SLC38A5: variants seen among roughly 807,000 people sequenced by gnomAD.
SLC38A5 encodes the protein sodium-coupled neutral amino acid transporter 5.
SLC38A5 carries 9 observed loss-of-function variants against 34.6 expected under a neutral mutation model. The ratio of observed to expected loss-of-function variants is 0.26; its 90% CI spans 0.16 to 0.45. SLC38A5 has a LOEUF of 0.45. SLC38A5 is among the 20% of genes least tolerant of loss of function. SLC38A5 has a pLI of 1.00. For synonymous variants in SLC38A5, 157 were observed against 155.6 expected (o/e 1.01, Z -0.07); for missense variants, 253 against 394.7 (o/e 0.64, Z 3.04).
At chrX:48,460,567 G>A (rs782339213) in intron 14 of SLC38A5, 82 bp downstream of exon 14, 120 of 976,291 alleles carry the variant, frequency 1.2e-4, no homozygotes, top group Non-Finnish European at 1.6e-4. Context: ...ATCCACTCCT[G>A]TTTCCAGCCT....
At position 48,467,804 on chromosome X, in the gene SLC38A5, T is replaced by C; in HGVS notation, c.54-19A>G. On this transcript the variant is annotated intron_variant, in intron 3 of 16. Coordinates refer to ENST00000620913, the MANE Select transcript of SLC38A5 (RefSeq NM_033518.4). ...CCTGTAGCTGGATAGGGCAGGGAAA[T>C]AGGGGCCGATAAGAGGGAAATCCTG... 1 of 1,203,367 alleles carries C rather than the reference T, an allele frequency of 8.3e-7. No individual in the cohort carries two copies. Among genetic ancestry groups the C allele is most frequent in the South Asian group, 1.8e-5 (1 of 55,656 alleles).
intron 16 of SLC38A5, 103 bp from the exon 17 acceptor site, chrX:48,459,137 C>T (rs1556961323): frequency 1.2e-6 from 1 of 840,486 alleles, no homozygotes; most frequent in East Asian, 3.5e-5. Context: ...AGTGCTCCAT[C>T]CATTCCTGAC....
Position 48,458,989 on chromosome X carries a change from G to A in SLC38A5, c.1363C>T (p.Leu455=). 1 of 1,196,132 alleles carries A rather than the reference G, an allele frequency of 8.4e-7. No homozygotes were observed. ...VLGVLFMAVS[L]GFMFANWATG... ...GCCCAGTTGGCAAACATAAAGCCTA[G>A]ACTGACGGCCATGAAGAGGACTCCC... The change falls in exon 17 of 17, where the codon CTA becomes TTA. Residue 455 remains leucine (L), a synonymous_variant. Coordinates refer to ENST00000620913, the MANE Select transcript of SLC38A5 (RefSeq NM_033518.4).
rs1421737714 is a variant in SLC38A5 at position 48,458,611 on chromosome X, G to C, written c.*322C>G. ...AATCCTGACAAACAGCTTCAGCCAG[G>C]AGGAGGCAGAGAGGACTGGGCTGGG... On this transcript the variant is annotated 3_prime_UTR_variant, in exon 17 of 17. Transcript: ENST00000620913. The C allele has an allele frequency of 3.4e-6, 3 of 886,597 alleles. No individual in the cohort carries two copies. The highest frequency in any genetic ancestry group is 2.1e-5 in the African/African-American group (1 of 48,270). The allele number at this position is 886,597 out of a possible 1,213,427, so 73.1% of individuals were successfully genotyped here. A position where few individuals can be genotyped will look rare whatever the true frequency, so the allele number is the denominator to read the frequency against.
At chrX:48,465,463 G>A (rs1207381243) in intron 8 of SLC38A5, among the ~76,000 whole-genome samples, 1 of 111,792 alleles carries the variant, frequency 8.9e-6, no homozygotes, top group African/African-American at 3.3e-5. Flanking sequence ...CACACTGCTG[G>A]AGTCAGCGAT....
chrX:48,463,384 C>A (rs1222173344), intron 8 of SLC38A5, among the ~76,000 whole-genome samples: 2 of 111,244 alleles, frequency 1.8e-5, no homozygotes, highest in African/African-American at 6.5e-5. Context: ...GGGTGGATCA[C>A]CTAAGGTCAG....
intron 8 of SLC38A5, among the ~76,000 whole-genome samples, chrX:48,464,911 G>C (rs1298524674): frequency 2.8e-5 from 3 of 107,802 alleles, no homozygotes; most frequent in Non-Finnish European, 3.8e-5. Context: ...TCCAGCCTGG[G>C]CGACAGAATG....
In SLC38A5 at chrX:48,460,776, G is replaced by A. The variant is rs782122120; in HGVS notation, c.953-12C>T. The A allele has an allele frequency of 2.5e-6, 3 of 1,202,992 alleles. No homozygotes were observed. The highest frequency in any genetic ancestry group is 2.2e-5 in the Admixed American group (1 of 45,831). ...CGCCTTCACACTGCCTGGGCCATGAGACAGAGGGTACGGGATGCAGGATGT... is the reference window on the plus strand; with the variant it reads ...CGCCTTCACACTGCCTGGGCCATGAAACAGAGGGTACGGGATGCAGGATGT... On this transcript the variant is annotated splice_polypyrimidine_tract_variant and intron_variant, in intron 13 of 16. Transcript: ENST00000620913.
rs1556963244 is a variant in SLC38A5, at chrX:48,466,269, C to A, written c.373G>T (p.Val125Leu). Residue 125 changes from valine to leucine, a missense_variant, in exon 7 of 17, where the codon GTA becomes TTA. By Grantham distance (32) the Val-to-Leu change is conservative. Transcript: ENST00000620913. The part of the protein sequence containing the change: ...GQRAFGPAGK[V>L]VVATVICLHN... ...AGACAGATGACTGTGGCCACCACTA[C>A]CTTCCCCGCAGGCCCGAATGCCCTC... 1 of 1,205,116 alleles carries A rather than the reference C, an allele frequency of 8.3e-7. No homozygotes were observed. Among genetic ancestry groups the A allele is most frequent in the Non-Finnish European group, 1.1e-6 (1 of 893,187 alleles).
At chrX:48,467,202 A>C (rs1350250303) in intron 4 of SLC38A5, 125 bp from the exon 5 acceptor site, 2 of 536,669 alleles carry the variant, frequency 3.7e-6, no homozygotes, top group African/African-American at 2.3e-5. Context: ...AGGAGAGACC[A>C]TCGGAGGAGG....
At chrX:48,467,152 G>A in intron 4 of SLC38A5, 75 bp from the exon 5 acceptor site, 1 of 898,661 alleles carries the variant, frequency 1.1e-6, no homozygotes. Flanking sequence ...CAGGGCCAGG[G>A]AAAGACTAGA....
intron 2 of SLC38A5, chrX:48,468,138 A>G: frequency 2.0e-6 from 2 of 996,482 alleles, no homozygotes; most frequent in Non-Finnish European, 2.6e-6. Context: ...AAATCAGAGA[A>G]GGAGAGAAGC....
chrX:48,461,579 G>A (rs1335466482), intron 12 of SLC38A5, 139 bp downstream of exon 12: 2 of 597,713 alleles, frequency 3.3e-6, no homozygotes, highest in East Asian at 3.7e-5. Context: ...AGACCTCCTG[G>A]CCACCCCAAA....
chrX:48,465,744 A>G (rs2061471626), intron 8 of SLC38A5, among the ~76,000 whole-genome samples: 1 of 111,524 alleles, frequency 9.0e-6, no homozygotes, highest in African/African-American at 3.3e-5. Flanking sequence ...TCACACACAC[A>G]TGGTCAGCAG....
chrX:48,468,063 G>T, intron 2 of SLC38A5, 138 bp from the exon 3 acceptor site: 2 of 821,435 alleles, frequency 2.4e-6, no homozygotes, highest in Non-Finnish European at 3.4e-6. Context: ...AGGGGAGCAG[G>T]AACAGACAGG....
chrX:48,461,407 C>G (rs782696805), intron 12 of SLC38A5, among the ~76,000 whole-genome samples: 1 of 111,764 alleles, frequency 8.9e-6, no homozygotes, highest in East Asian at 2.8e-4. Context: ...TCTGTCTGTC[C>G]GTACCTCCCT....
rs1233597465 is a variant in SLC38A5 at position 48,468,039 on chromosome X, GAA to G, written c.-1-116_-1-115del. 17 of 842,791 alleles carry G rather than the reference GAA, an allele frequency of 2.0e-5. No individual in the cohort carries two copies. The African/African-American group carries it at 2.7e-4, about 13-fold the overall frequency. The allele number at this position is 842,791 out of a possible 1,213,427, so 69.5% of individuals were successfully genotyped here. On this transcript the variant is annotated intron_variant, in intron 2 of 16. Coordinates refer to ENST00000620913, the MANE Select transcript of SLC38A5 (RefSeq NM_033518.4). The stretch of plus-strand genomic sequence containing the variant: ...CCATAGAGACCGATGGAAAGACGGA[GAA>G]AGAGACAAGGCAGGGGAGCAGGAAC...
intron 12 of SLC38A5, among the ~76,000 whole-genome samples, chrX:48,461,427 T>G (rs1419454347): frequency 9.0e-6 from 1 of 111,521 alleles, no homozygotes; most frequent in African/African-American, 3.3e-5. Flanking sequence ...TATCCCCATA[T>G]CACCAGCCAT....
At chrX:48,461,161 A>C in intron 12 of SLC38A5, 75 bp from the exon 13 acceptor site, 1 of 867,266 alleles carries the variant, frequency 1.2e-6, no homozygotes, top group Non-Finnish European at 1.6e-6. Context: ...GCCAGCCTCC[A>C]CCCTCCAGAG....
Sources: gnomAD v4.1 joint callset for allele counts (sites outside exome capture counted in the v4.1 genomes callset) on GRCh38, gnomAD v4.1.1 for gene constraint, MANE v1.5 for transcripts, NCBI Gene and HGNC (gene_info 2026-07-23, HGNC 2026-07-21) for gene names.